FARP1: variants seen among roughly 807,000 people sequenced by gnomAD.
The protein encoded by FARP1 is FERM, ARH/RhoGEF and pleckstrin domain protein 1.
In FARP1, 52 loss-of-function variants were observed where a neutral mutation model predicts 128.8. The observed-to-expected ratio is 0.40, with a 90% CI of 0.32 to 0.51. The LOEUF is 0.51. Among genes scored for constraint, FARP1 ranks in the 20% least tolerant of loss-of-function variants. FARP1 has a pLI of 0.45. For missense variants in FARP1, 1,333 were observed against 1,367.9 expected (o/e 0.97, Z 0.40); for synonymous variants, 580 against 551.8 (o/e 1.05, Z -0.72).
At chr13:98,166,863 A>G (rs950362277) in intron 1 of FARP1, among the ~76,000 whole-genome samples, 4 of 151,866 alleles carry the variant, frequency 2.6e-5, no homozygotes, top group African/African-American at 9.7e-5. Flanking sequence ...AGCTGAGACT[A>G]TAGGCGTGCA....
At chr13:98,252,345 T>C (rs1254488724) in intron 2 of FARP1, among the ~76,000 whole-genome samples, 1 of 152,226 alleles carries the variant, frequency 6.6e-6, no homozygotes, top group African/African-American at 2.4e-5. Context: ...TCAATAACTT[T>C]AAGACTTCAG....
At chr13:98,217,796 G>C (rs1218710882) in intron 2 of FARP1, among the ~76,000 whole-genome samples, 1 of 152,196 alleles carries the variant, frequency 6.6e-6, no homozygotes, top group Non-Finnish European at 1.5e-5. Flanking sequence ...GGAGGGCAAG[G>C]CCTCTTGTTC....
chr13:98,212,445 G>A (rs570782097), intron 1 of FARP1, among the ~76,000 whole-genome samples: 1 of 152,182 alleles, frequency 6.6e-6, no homozygotes. Context: ...AGCAAGCCAC[G>A]CATGTGGAGA....
At chr13:98,308,792 C>T (rs1886308046) in intron 2 of FARP1, among the ~76,000 whole-genome samples, 1 of 151,992 alleles carries the variant, frequency 6.6e-6, no homozygotes, top group South Asian at 2.1e-4. Context: ...CTGCAGCCTC[C>T]CGAGTAGCTG....
chr13:98,440,688 C>G lies in FARP1; in HGVS notation c.2648C>G (p.Thr883Ser), dbSNP rs751388367. The G allele has an allele frequency of 4.7e-5, 76 of 1,612,998 alleles. No individual in the cohort carries two copies. Among genetic ancestry groups the G allele is most frequent in the Non-Finnish European group, 6.4e-5 (75 of 1,179,718 alleles). The change falls in exon 24 of 27, where the codon ACC becomes AGC. Residue 883 changes from threonine (T) to serine (S), a missense_variant. Transcript: ENST00000319562. ...CCTGTAGAGTCCCCTGATGAAGCCA[C>G]CGCGGCTGACCAGGAGTCAGAGGAT... The part of the protein sequence containing the change: ...PPDNKSPDEA[T>S]AADQESEDDL...
intron 2 of FARP1, among the ~76,000 whole-genome samples, chr13:98,226,800 GT>G (rs745596796): frequency 6.6e-6 from 1 of 151,772 alleles, no homozygotes; most frequent in South Asian, 2.1e-4. Flanking sequence ...AGAGCGATTG[GT>G]TTTTTTTGTT....
intron 2 of FARP1, among the ~76,000 whole-genome samples, chr13:98,256,948 GATATA>G (rs1883627564): frequency 1.3e-5 from 1 of 77,076 alleles, no homozygotes; most frequent in Non-Finnish European, 2.7e-5. Flanking sequence ...TATATATGTG[GATATA>G]TATATATATA....
In FARP1 at chr13:98,272,673, G is replaced by C. The variant is rs536164139; in HGVS notation, c.171+59260G>C. Among the ~76,000 whole-genome samples the C allele has an allele frequency of 7.9e-5, 12 of 152,310 alleles. No homozygotes were observed. In the South Asian group the frequency reaches 2.5e-3, roughly 32 times the overall value. On this transcript the variant is annotated intron_variant, in intron 2 of 26. Transcript: ENST00000319562. ...TCCTGAAAGATTGGGAGTTTGAATT[G>C]AGGATCAAAGGGGGTGTCAGAGATT...
At chr13:98,292,339 G>A (rs610042) in intron 2 of FARP1, among the ~76,000 whole-genome samples, 17,885 of 152,186 alleles carry the variant, frequency 0.12, 1,998 homozygotes, top group African/African-American at 0.29. Flanking sequence ...TTAAATTAGG[G>A]GAATGGGAGC....
Position 98,143,157 on chromosome 13 carries a change from C to G in FARP1, c.-359C>G, listed in dbSNP as rs1475280830. On this transcript the variant is annotated 5_prime_UTR_variant, in exon 1 of 27. Transcript: ENST00000319562. Reference sequence around the variant, plus strand: ...GCGCGGGCGCAGCGGTGCGGGCGCTCGGCTGGGGCGCGGGGCGGGGACGCG... The same window carrying G: ...GCGCGGGCGCAGCGGTGCGGGCGCTGGGCTGGGGCGCGGGGCGGGGACGCG... 2 of 147,574 alleles carry G rather than the reference C, an allele frequency of 1.4e-5. No individual in the cohort carries two copies. Among genetic ancestry groups the G allele is most frequent in the East Asian group, 4.0e-4 (2 of 5,056 alleles). 9.1% of individuals were successfully genotyped at this position (147,574 alleles called of 1,614,324 possible). A position where few individuals can be genotyped will look rare whatever the true frequency, so the allele number is the denominator to read the frequency against.
At chr13:98,378,489 C>T (rs1056029361) in intron 6 of FARP1, among the ~76,000 whole-genome samples, 4 of 152,108 alleles carry the variant, frequency 2.6e-5, no homozygotes, top group African/African-American at 9.7e-5. Context: ...TTGACCAAGG[C>T]AGAAATTACT....
chr13:98,275,047 A>G (rs1884571406), intron 2 of FARP1, among the ~76,000 whole-genome samples: 1 of 152,176 alleles, frequency 6.6e-6, no homozygotes, highest in African/African-American at 2.4e-5. Flanking sequence ...TGAGTCAGTG[A>G]ATTATCTTGT....
intron 2 of FARP1, among the ~76,000 whole-genome samples, chr13:98,248,664 G>T (rs1281277704): frequency 6.6e-6 from 1 of 152,094 alleles, no homozygotes; most frequent in Non-Finnish European, 1.5e-5. Flanking sequence ...TTGTGGACCT[G>T]CCCAGGATTA....
chr13:98,398,246 G>T (rs370021782), intron 13 of FARP1: 1 of 152,236 alleles, frequency 6.6e-6, no homozygotes, highest in East Asian at 1.9e-4. Context: ...ATTTGATTCA[G>T]TGCCTGATTG....
chr13:98,448,365 T>C lies in FARP1; in HGVS notation c.*48T>C. 3 of 1,405,178 alleles carry C rather than the reference T, an allele frequency of 2.1e-6. No individual in the cohort carries two copies. The highest frequency in any genetic ancestry group is 3.0e-6 in the Non-Finnish European group (3 of 989,440). The allele number at this position is 1,405,178 out of a possible 1,614,324, so 87.0% of individuals were successfully genotyped here. ...CAGTGGCTGCTTTCCTGGAAGACGTTTCCTTTCTTCTGTATTAATGAAGCC... is the reference window on the plus strand; with the variant it reads ...CAGTGGCTGCTTTCCTGGAAGACGTCTCCTTTCTTCTGTATTAATGAAGCC... On this transcript the variant is annotated 3_prime_UTR_variant, in exon 27 of 27. Transcript: ENST00000319562.
chr13:98,320,551 G>A (rs945100631), intron 2 of FARP1, among the ~76,000 whole-genome samples: 2 of 152,106 alleles, frequency 1.3e-5, no homozygotes, highest in Admixed American at 6.5e-5. Context: ...AGATACTAAG[G>A]TGGTTTCTTA....
intron 1 of FARP1, among the ~76,000 whole-genome samples, chr13:98,172,029 G>A (rs1392407120): frequency 6.6e-6 from 1 of 152,160 alleles, no homozygotes; most frequent in African/African-American, 2.4e-5. Context: ...CCTCCTGTCA[G>A]TGCAGCAGTT....
intron 13 of FARP1, chr13:98,395,709 T>G (rs1160938749): frequency 4.3e-6 from 2 of 460,160 alleles, no homozygotes; most frequent in Non-Finnish European, 7.5e-6. Context: ...CCCCGCACTC[T>G]GCGAAGTCCT....
chr13:98,255,791 C>T (rs1200799041), intron 2 of FARP1, among the ~76,000 whole-genome samples: 2 of 152,196 alleles, frequency 1.3e-5, no homozygotes, highest in Non-Finnish European at 2.9e-5. Flanking sequence ...CATGACTGTG[C>T]TTGACCTTTG....
Sources: allele counts gnomAD v4.1 joint callset (sites outside exome capture counted in the v4.1 genomes callset), GRCh38; gene constraint gnomAD v4.1.1; transcripts MANE v1.5; gene names NCBI Gene and HGNC (gene_info 2026-07-23, HGNC 2026-07-21).